The following CGNL1 variants were observed in gnomAD, a reference collection of about 807,000 sequenced individuals.
CGNL1 encodes the protein cingulin like 1, also known as cingulin-like protein 1.
In CGNL1, 132 loss-of-function variants were observed where a neutral mutation model predicts 141.2. The observed-to-expected ratio is 0.93, with a 90% CI of 0.81 to 1.08. CGNL1 has a LOEUF of 1.08. Ranked by LOEUF, CGNL1 falls within the 50% of genes least tolerant of loss-of-function variation. CGNL1 has a pLI of 0.00. For missense variants in CGNL1, 1,870 were observed against 1,588.6 expected, an observed-to-expected ratio of 1.18 and a Z score of -3.01; for synonymous variants, 690 against 622.1, an observed-to-expected ratio of 1.11 and a Z score of -1.63.
rs1376668280 is a variant in CGNL1, at chr15:57,521,972, C to T, written c.2716-1517C>T. Among the ~76,000 whole-genome samples the T allele has an allele frequency of 2.6e-5, 4 of 152,012 alleles. No individual in the cohort carries two copies. The East Asian group carries it at 7.7e-4, about 29-fold the overall frequency. On this transcript the variant is annotated intron_variant, in intron 10 of 18. Coordinates refer to ENST00000281282, the MANE Select transcript of CGNL1 (RefSeq NM_032866.5). ...GGACATGTGTTTTGAGGGTTTTGTCCCATACCATACCTCACTGGTTCTATA... is the reference window on the plus strand; with the variant it reads ...GGACATGTGTTTTGAGGGTTTTGTCTCATACCATACCTCACTGGTTCTATA...
intron 8 of CGNL1, among the ~76,000 whole-genome samples, chr15:57,465,892 C>T (rs1479106832): frequency 3.9e-5 from 6 of 152,132 alleles, no homozygotes; most frequent in Non-Finnish European, 5.9e-5. Flanking sequence ...AATTATATTT[C>T]GAATGTTGTA....
At chr15:57,462,028 C>T (rs776687679) in intron 8 of CGNL1, 136 bp downstream of exon 8, 12 of 708,060 alleles carry the variant, frequency 1.7e-5, no homozygotes, top group African/African-American at 3.6e-5. Context: ...GGACACAGAG[C>T]TTATTAACAA....
intron 1 of CGNL1, among the ~76,000 whole-genome samples, chr15:57,428,812 C>T (rs1292665742): frequency 6.6e-6 from 1 of 152,212 alleles, no homozygotes; most frequent in South Asian, 2.1e-4. Context: ...ATCATGAGGT[C>T]AGGAGATCGA....
At chr15:57,484,944 T>C (rs2063769299) in intron 8 of CGNL1, among the ~76,000 whole-genome samples, 1 of 151,988 alleles carries the variant, frequency 6.6e-6, no homozygotes, top group Non-Finnish European at 1.5e-5. Context: ...TTTCTATTTT[T>C]TTTATGTTTT....
chr15:57,514,264 G>A (rs1261012945), intron 8 of CGNL1, among the ~76,000 whole-genome samples: 5 of 152,002 alleles, frequency 3.3e-5, no homozygotes, highest in African/African-American at 4.8e-5. Context: ...CAATTCTCTC[G>A]CCTCAGCATC....
chr15:57,494,210 C>A (rs1329257880), intron 8 of CGNL1, among the ~76,000 whole-genome samples: 5 of 152,204 alleles, frequency 3.3e-5, no homozygotes, highest in Admixed American at 3.3e-4. Context: ...TAGTGACTTA[C>A]TATTCTCAAG....
intron 1 of CGNL1, among the ~76,000 whole-genome samples, chr15:57,403,900 C>T (rs1383366383): frequency 6.6e-6 from 1 of 152,162 alleles, no homozygotes; most frequent in Non-Finnish European, 1.5e-5. Flanking sequence ...AGCCCCAGAG[C>T]CTAGTTGCCT....
At chr15:57,473,083 A>T (rs2063603100) in intron 8 of CGNL1, among the ~76,000 whole-genome samples, 1 of 152,158 alleles carries the variant, frequency 6.6e-6, no homozygotes, top group South Asian at 2.1e-4. Context: ...GCATTTCCAG[A>T]TGTGGATATG....
At chr15:57,460,816 A>G (rs748694438) in intron 7 of CGNL1, among the ~76,000 whole-genome samples, 16 of 152,184 alleles carry the variant, frequency 1.1e-4, no homozygotes, top group Non-Finnish European at 2.1e-4. Context: ...CATAGAGCCA[A>G]ACCATGTCAA....
In CGNL1 at chr15:57,486,240, C is replaced by T. The variant is rs148184302; in HGVS notation, c.2403+24348C>T. Among the ~76,000 whole-genome samples, 1,184 of 152,282 alleles carry T rather than the reference C, an allele frequency of 7.8e-3. 17 individuals are homozygous for T. The highest frequency in any genetic ancestry group is 0.027 in the African/African-American group (1,104 of 41,556). ...AGGAATTTGGTCCCAGTCAACCTTC[C>T]CTGCTTCTTCTGTGTTAGGTCATCT... On this transcript the variant is annotated intron_variant, in intron 8 of 18. Transcript: ENST00000281282.
In CGNL1 at chr15:57,422,258, C is replaced by T. The variant is rs191514786; in HGVS notation, c.-15-15727C>T. On this transcript the variant is annotated intron_variant, in intron 1 of 18. Transcript: ENST00000281282. ...TTTTATTGCCTGTTTCATTTCACAACCTGGCACTATTCTGGTAGAAATGTC... is the reference window on the plus strand; with the variant it reads ...TTTTATTGCCTGTTTCATTTCACAATCTGGCACTATTCTGGTAGAAATGTC... 4.0e-5 allele frequency among the ~76,000 whole-genome samples: 6 copies of T among 151,494 alleles called. No homozygotes were observed. The East Asian group carries it at 1.2e-3, about 29-fold the overall frequency.
At chr15:57,502,553 G>A (rs2064040360) in intron 8 of CGNL1, among the ~76,000 whole-genome samples, 1 of 152,160 alleles carries the variant, frequency 6.6e-6, no homozygotes, top group Non-Finnish European at 1.5e-5. Context: ...TAATTTATCT[G>A]GAGAAATGGA....
At chr15:57,467,821 C>G (rs1304404706) in intron 8 of CGNL1, among the ~76,000 whole-genome samples, 1 of 151,304 alleles carries the variant, frequency 6.6e-6, no homozygotes, top group Non-Finnish European at 1.5e-5. Context: ...TCCTGAGTAG[C>G]TGGGATTACA....
chr15:57,385,659 T>C (rs959624337), intron 1 of CGNL1, among the ~76,000 whole-genome samples: 1 of 152,194 alleles, frequency 6.6e-6, no homozygotes, highest in African/African-American at 2.4e-5. Flanking sequence ...CTCTGTAAAA[T>C]AGATGTAATG....
intron 8 of CGNL1, chr15:57,477,598 C>T (rs1421094612): frequency 6.6e-6 from 1 of 152,186 alleles, no homozygotes; most frequent in East Asian, 1.9e-4. Context: ...CTCTGATTTA[C>T]AGGGACCTCT....
intron 1 of CGNL1, among the ~76,000 whole-genome samples, chr15:57,380,676 T>C (rs1197874988): frequency 6.6e-6 from 1 of 152,126 alleles, no homozygotes; most frequent in Non-Finnish European, 1.5e-5. Context: ...CAGGTATCCA[T>C]CATGCAAAGG....
At chr15:57,538,017 C>A (rs2032358220) in intron 14 of CGNL1, among the ~76,000 whole-genome samples, 2 of 152,310 alleles carry the variant, frequency 1.3e-5, no homozygotes, top group East Asian at 3.9e-4. Context: ...CCCGCCACCC[C>A]CCGCCCCAGG....
At chr15:57,517,076 T>C in intron 9 of CGNL1, 90 bp downstream of exon 9, 12 of 1,248,082 alleles carry the variant, frequency 9.6e-6, no homozygotes, top group Non-Finnish European at 1.4e-5. Context: ...AGGGATTTAT[T>C]GTCATGATGT....
At chr15:57,506,650 GA>G (rs1425737584) in intron 8 of CGNL1, among the ~76,000 whole-genome samples, 1 of 152,088 alleles carries the variant, frequency 6.6e-6, no homozygotes, top group East Asian at 1.9e-4. Flanking sequence ...CCCCCACTTG[GA>G]AGAAACTGGT....
Sources: allele counts gnomAD v4.1 joint callset (sites outside exome capture counted in the v4.1 genomes callset), GRCh38; gene constraint gnomAD v4.1.1; transcripts MANE v1.5; gene names NCBI Gene and HGNC (gene_info 2026-07-23, HGNC 2026-07-21).